Variants in C12orf42 observed in about 807,000 individuals in gnomAD.
The protein encoded by C12orf42 is chromosome 12 open reading frame 42.
In C12orf42, 25 loss-of-function variants were observed where a neutral mutation model predicts 21.6. The ratio of observed to expected loss-of-function variants is 1.16; its 90% CI spans 0.84 to 1.62. The LOEUF is 1.62. C12orf42 is among the 40% of genes most tolerant of loss of function. The pLI, the probability that C12orf42 is intolerant of heterozygous loss-of-function variation, is 0.00. For missense variants in C12orf42, 483 were observed against 459.3 expected, an observed-to-expected ratio of 1.05 and a Z score of -0.47; for synonymous variants, 174 against 175.0, an observed-to-expected ratio of 0.99 and a Z score of 0.05.
At chr12:103,104,821 A>G in the C12orf42 span, among the ~76,000 whole-genome samples, 1 of 152,334 alleles carries the variant, frequency 6.6e-6, no homozygotes, top group African/African-American at 2.4e-5. Flanking sequence ...AGGCATCCAC[A>G]TAAGGTTCTA....
the C12orf42 span, among the ~76,000 whole-genome samples, chr12:103,221,212 G>A: frequency 6.6e-6 from 1 of 152,182 alleles, no homozygotes; most frequent in East Asian, 1.9e-4. Flanking sequence ...ATGAACAACT[G>A]AGAACTCTAT....
the C12orf42 span, among the ~76,000 whole-genome samples, chr12:103,170,385 G>A: frequency 2.0e-5 from 3 of 152,016 alleles, no homozygotes; most frequent in Admixed American, 2.0e-4. Flanking sequence ...TTCATTCAGT[G>A]GCTCAAGGTC....
At chr12:103,480,906 T>C (rs1394239785) in intron 1 of C12orf42, among the ~76,000 whole-genome samples, 1 of 151,704 alleles carries the variant, frequency 6.6e-6, no homozygotes, top group African/African-American at 2.4e-5. Flanking sequence ...TCAAGCCTAT[T>C]AATTATGTTC....
the C12orf42 span, among the ~76,000 whole-genome samples, chr12:103,068,503 CA>C: frequency 3.9e-5 from 6 of 152,124 alleles, no homozygotes; most frequent in South Asian, 1.2e-3. Context: ...TACTGAGTGT[CA>C]ACCTGATTGG....
intron 4 of C12orf42, among the ~76,000 whole-genome samples, chr12:103,353,029 T>A (rs1405917301): frequency 6.6e-6 from 1 of 152,146 alleles, no homozygotes; most frequent in African/African-American, 2.4e-5. Context: ...CTAATCACCA[T>A]GTACTAAATG....
At chr12:103,212,461 C>T in the C12orf42 span, among the ~76,000 whole-genome samples, 2 of 152,086 alleles carry the variant, frequency 1.3e-5, no homozygotes, top group Non-Finnish European at 2.9e-5. Context: ...CTAACTACAT[C>T]TCTCTGGTGG....
At chr12:103,273,748 G>C (rs1221817573) in intron 5 of C12orf42, 4 of 435,572 alleles carry the variant, frequency 9.2e-6, no homozygotes, top group African/African-American at 8.1e-5. Context: ...AAAAGGAGGA[G>C]GAGAAAGAGA....
At chr12:103,491,332 T>C (rs149717306) in intron 1 of C12orf42, among the ~76,000 whole-genome samples, 264 of 152,344 alleles carry the variant, frequency 1.7e-3, no homozygotes, top group African/African-American at 5.9e-3. Context: ...AGTTTTTATA[T>C]TGAATCTCTA....
chr12:103,336,518 C>G (rs1337599008), intron 4 of C12orf42, among the ~76,000 whole-genome samples: 1 of 152,152 alleles, frequency 6.6e-6, no homozygotes, highest in Non-Finnish European at 1.5e-5. Context: ...TATTTTGCAG[C>G]ATTTTGTGAG....
intron 10 of C12orf42, among the ~76,000 whole-genome samples, chr12:103,247,451 C>T (rs1377136678): frequency 6.6e-6 from 1 of 151,946 alleles, no homozygotes; most frequent in Non-Finnish European, 1.5e-5. Flanking sequence ...TCTATGACAT[C>T]AATATTTCTT....
At chr12:103,512,541 C>A in the C12orf42 span, among the ~76,000 whole-genome samples, 2 of 152,224 alleles carry the variant, frequency 1.3e-5, no homozygotes, top group Non-Finnish European at 2.9e-5. Context: ...TAATCATTCA[C>A]ATTCTATGCA....
chr12:103,224,108 G>A, the C12orf42 span, among the ~76,000 whole-genome samples: 4 of 152,120 alleles, frequency 2.6e-5, no homozygotes, highest in Admixed American at 2.6e-4. Context: ...GACCCTGTAG[G>A]AAAGGCCTCT....
At chr12:103,400,480 G>T (rs12321397) in intron 3 of C12orf42, among the ~76,000 whole-genome samples, 2,739 of 152,284 alleles carry the variant, frequency 0.018, 64 homozygotes, top group African/African-American at 0.057. Flanking sequence ...GGGAGTCATG[G>T]AATCCCTCAG....
chr12:103,173,322 G>A, the C12orf42 span, among the ~76,000 whole-genome samples: 1 of 152,108 alleles, frequency 6.6e-6, no homozygotes, highest in African/African-American at 2.4e-5. Context: ...TGGGAAAGCA[G>A]CAAAAAAGCT....
At chr12:103,447,513 C>T (rs996886203) in intron 2 of C12orf42, among the ~76,000 whole-genome samples, 49 of 151,906 alleles carry the variant, frequency 3.2e-4, no homozygotes, top group African/African-American at 1.1e-3. Context: ...TCACTGTTTG[C>T]TGATGATATA....
At chr12:103,547,088 A>G in the C12orf42 span, among the ~76,000 whole-genome samples, 1 of 152,218 alleles carries the variant, frequency 6.6e-6, no homozygotes, top group Non-Finnish European at 1.5e-5. Flanking sequence ...TCCATTAAAT[A>G]AATGTATGTA....
chr12:103,123,018 C>T, the C12orf42 span, among the ~76,000 whole-genome samples: 1 of 152,134 alleles, frequency 6.6e-6, no homozygotes, highest in African/African-American at 2.4e-5. Context: ...TTGGATCAGG[C>T]TGTTGGTAGT....
chr12:103,097,666 T>C, the C12orf42 span, among the ~76,000 whole-genome samples: 1 of 152,202 alleles, frequency 6.6e-6, no homozygotes, highest in Non-Finnish European at 1.5e-5. Context: ...CAAATTAAGC[T>C]AATGGAGGTC....
the C12orf42 span, among the ~76,000 whole-genome samples, chr12:103,189,869 G>A: frequency 2.0e-5 from 3 of 152,180 alleles, no homozygotes; most frequent in Non-Finnish European, 4.4e-5. Flanking sequence ...AGACTGAGTT[G>A]AGAAGCATTT....
Sources: allele counts gnomAD v4.1 joint callset (sites outside exome capture counted in the v4.1 genomes callset), GRCh38; gene constraint gnomAD v4.1.1; transcripts MANE v1.5; gene names NCBI Gene and HGNC (gene_info 2026-07-23, HGNC 2026-07-21).